The following CPD variants were observed in gnomAD, a reference collection of about 807,000 sequenced individuals.
CPD encodes metallocarboxypeptidase D.
CPD carries 69 observed loss-of-function variants against 138.3 expected under a neutral mutation model. The ratio of observed to expected loss-of-function variants is 0.50; its 90% CI spans 0.41 to 0.61. The LOEUF (loss-of-function observed/expected upper bound fraction) is 0.61. Ranked by LOEUF, CPD falls within the 20% of genes least tolerant of loss-of-function variation. The probability of loss-of-function intolerance (pLI) is 0.00; values close to 1 mark genes in which losing one functional copy is unlikely to be tolerated. For missense variants in CPD, 1,432 were observed against 1,733.3 expected (o/e 0.83, Z 3.09); for synonymous variants, 651 against 642.1 (o/e 1.01, Z -0.21).
intron 2 of CPD, among the ~76,000 whole-genome samples, chr17:30,415,937 C>T (rs1912094291): frequency 6.6e-6 from 1 of 152,144 alleles, no homozygotes; most frequent in Non-Finnish European, 1.5e-5. Context: ...AGTAGTCAAA[C>T]TCTTAGAAAC....
At position 30,408,103 on chromosome 17, in the gene CPD, G is replaced by T. The variant is rs1401641540; in HGVS notation, c.995-12738G>T. Among the ~76,000 whole-genome samples the T allele has an allele frequency of 2.0e-5, 3 of 152,092 alleles. No individual in the cohort carries two copies. In the East Asian group the frequency reaches 5.8e-4, roughly 29 times the overall value. On this transcript the variant is annotated intron_variant, in intron 2 of 20. Coordinates refer to ENST00000225719, the MANE Select transcript of CPD (RefSeq NM_001304.5). ...TTTGCCCATTTCTTGTTTTTGTCAG[G>T]TTTGTCAAATATCAGATGGTTGTAG... is the stretch of plus-strand genomic sequence containing the variant.
chr17:30,379,577 CGGCGGCCCG>C lies in CPD; in HGVS notation c.598_606del (p.Gly200_Pro202del). The C allele has an allele frequency of 6.6e-7, 1 of 1,511,010 alleles. No homozygotes were observed. The highest frequency in any genetic ancestry group is 1.2e-5 in the South Asian group (1 of 80,434). 93.6% of individuals were successfully genotyped at this position (1,511,010 alleles called of 1,614,324 possible). On this transcript the variant is annotated inframe_deletion, in exon 1 of 21. Transcript: ENST00000225719. This position sits in a 1 kb window ranked among gnomAD's most constrained non-coding sequence, Gnocchi z 7.0. ...GCGAGGGCGACTGTGGCTTCGGCGACGGCGGCCCGTCCGGGGCCAGCGGCCGCGACAATA... is the reference window on the plus strand; with the variant it reads ...GCGAGGGCGACTGTGGCTTCGGCGACTCCGGGGCCAGCGGCCGCGACAATA...
Position 30,384,977 on chromosome 17 carries a change from G to T in CPD, c.747-12G>T. 1 of 1,607,464 alleles carries T rather than the reference G, an allele frequency of 6.2e-7. No individual in the cohort carries two copies. The highest frequency in any genetic ancestry group is 8.5e-7 in the Non-Finnish European group (1 of 1,175,886). On this transcript the variant is annotated splice_polypyrimidine_tract_variant and intron_variant, in intron 1 of 20. Coordinates refer to ENST00000225719, the MANE Select transcript of CPD (RefSeq NM_001304.5). ...TTTTTTAGTGATACGTGATTTGGTTGTATTTTCAAAGGTTTGTGCTTTCTG... is the reference window on the plus strand; with the variant it reads ...TTTTTTAGTGATACGTGATTTGGTTTTATTTTCAAAGGTTTGTGCTTTCTG...
intron 2 of CPD, among the ~76,000 whole-genome samples, chr17:30,418,577 T>C (rs1912181167): frequency 6.6e-6 from 1 of 152,162 alleles, no homozygotes; most frequent in African/African-American, 2.4e-5. Context: ...GTATACATAA[T>C]ATAAAATTTA....
chr17:30,436,886 T>C (rs1912718562), intron 8 of CPD, among the ~76,000 whole-genome samples: 1 of 152,154 alleles, frequency 6.6e-6, no homozygotes, highest in Admixed American at 6.6e-5. Context: ...AACTGATGAA[T>C]GGGTTAACAA....
rs964295550 is a variant in CPD, at chr17:30,464,959, A to G, written c.*145A>G. On this transcript the variant is annotated 3_prime_UTR_variant, in exon 21 of 21. Coordinates refer to ENST00000225719, the MANE Select transcript of CPD (RefSeq NM_001304.5). ...ATTGCTAAATTTGTATTCTCTGTGA[A>G]TTTCACTGGCAGTTTTGAACTTCCC... 7.5e-6 allele frequency: 5 copies of G among 669,798 alleles called. No homozygotes were observed. The Admixed American group carries it at 1.4e-4, about 19-fold the overall frequency. The allele number at this position is 669,798 out of a possible 1,614,324, so 41.5% of individuals were successfully genotyped here.
At chr17:30,388,871 G>GGGAGGTCACCCCACGTGT (rs888701081) in intron 2 of CPD, among the ~76,000 whole-genome samples, 2 of 152,184 alleles carry the variant, frequency 1.3e-5, no homozygotes, top group African/African-American at 4.8e-5. Context: ...GTGTCAGGCT[G>GGGAGGTCACCCCACGTGT]GGAGGTCACC....
At chr17:30,443,120 G>A (rs1287940706) in intron 10 of CPD, among the ~76,000 whole-genome samples, 1 of 151,798 alleles carries the variant, frequency 6.6e-6, no homozygotes, top group African/African-American at 2.4e-5. Flanking sequence ...TTAACATTTT[G>A]TTATATTTGC....
intron 12 of CPD, among the ~76,000 whole-genome samples, chr17:30,446,646 G>A (rs1202498344): frequency 1.3e-5 from 2 of 152,180 alleles, no homozygotes; most frequent in African/African-American, 4.8e-5. Flanking sequence ...ACGTGTGCAT[G>A]TGTCTTTATA....
Position 30,469,789 on chromosome 17 carries a change from T to C in CPD, c.*4975T>C, listed in dbSNP as rs1263730104. The C allele has an allele frequency of 6.6e-6, 1 of 152,230 alleles. No individual in the cohort carries two copies. The highest frequency in any genetic ancestry group is 1.5e-5 in the Non-Finnish European group (1 of 68,026). The allele number at this position is 152,230 out of a possible 1,614,324, so 9.4% of individuals were successfully genotyped here. Reference sequence around the variant, plus strand: ...AGTGAAAACAACGTTACTTAACTGCTACAGGAAGTGTGAATAGTGATAACA... The same window carrying C: ...AGTGAAAACAACGTTACTTAACTGCCACAGGAAGTGTGAATAGTGATAACA... On this transcript the variant is annotated 3_prime_UTR_variant, in exon 21 of 21. Transcript: ENST00000225719.
chr17:30,417,683 G>A (rs1912148149), intron 2 of CPD, among the ~76,000 whole-genome samples: 1 of 151,876 alleles, frequency 6.6e-6, no homozygotes, highest in South Asian at 2.1e-4. Context: ...ATCATTTTAG[G>A]CCTAATTACT....
intron 2 of CPD, among the ~76,000 whole-genome samples, chr17:30,416,831 G>A (rs774499340): frequency 3.3e-5 from 5 of 152,068 alleles, no homozygotes; most frequent in African/African-American, 9.7e-5. Context: ...GGCCGGGCGC[G>A]GTGGCTCACG....
chr17:30,389,247 A>G (rs944081484), intron 2 of CPD, among the ~76,000 whole-genome samples: 18 of 152,184 alleles, frequency 1.2e-4, no homozygotes, highest in African/African-American at 4.3e-4. Context: ...ATCACTTTCT[A>G]GAATTTTCTG....
chr17:30,443,779 T>C (rs943742851), intron 10 of CPD, 23 bp from the exon 11 acceptor site: 2 of 1,572,990 alleles, frequency 1.3e-6, no homozygotes, highest in Admixed American at 3.6e-5. Flanking sequence ...TATTGAAATC[T>C]GGTGTCCTTG....
At chr17:30,416,141 T>C (rs1647372414) in intron 2 of CPD, among the ~76,000 whole-genome samples, 1 of 152,034 alleles carries the variant, frequency 6.6e-6, no homozygotes, top group South Asian at 2.1e-4. Flanking sequence ...GAGACCAGCC[T>C]CAACATGGGG....
Position 30,378,928 on chromosome 17 carries a change from C to T in CPD, c.-53C>T, listed in dbSNP as rs919339177. On this transcript the variant is annotated 5_prime_UTR_variant, in exon 1 of 21. Transcript: ENST00000225719. ...GAGGGGATCCGGCGGGCCCCCGCCG[C>T]CCGGAGCGCTGAGCCGCGGGAGCGG... 3.6e-6 allele frequency: 5 copies of T among 1,404,488 alleles called. No homozygotes were observed. Among genetic ancestry groups the T allele is most frequent in the Admixed American group, 6.9e-5 (2 of 29,128 alleles). 87.0% of individuals were successfully genotyped at this position (1,404,488 alleles called of 1,614,324 possible).
chr17:30,393,562 C>T (rs1911413583), intron 2 of CPD, among the ~76,000 whole-genome samples: 1 of 152,084 alleles, frequency 6.6e-6, no homozygotes, highest in Non-Finnish European at 1.5e-5. Context: ...TAAAATAGGC[C>T]TCTTTCAGAA....
chr17:30,379,196 G>A lies in CPD; in HGVS notation c.216G>A (p.Ala72=), dbSNP rs1224865889. ...TGGAGTCGGCGCTGAGGGAGGCGGC[G>A]GCCGCGGGCCTCCCCGGCCTGGCCC... ...EELESALREA[A]AAGLPGLARL... is the part of the protein sequence containing the mutation. The change falls in exon 1 of 21, where the codon GCG becomes GCA. Residue 72 remains alanine (A), a synonymous_variant. Coordinates refer to ENST00000225719, the MANE Select transcript of CPD (RefSeq NM_001304.5). This position sits in a 1 kb window ranked among gnomAD's most constrained non-coding sequence, Gnocchi z 7.0. 2 of 1,530,608 alleles carry A rather than the reference G, an allele frequency of 1.3e-6. No homozygotes were observed. Among genetic ancestry groups the A allele is most frequent in the South Asian group, 1.2e-5 (1 of 83,774 alleles). 94.8% of individuals were successfully genotyped at this position (1,530,608 alleles called of 1,614,324 possible).
chr17:30,446,521 T>C (rs549936361), intron 12 of CPD, among the ~76,000 whole-genome samples: 11 of 152,214 alleles, frequency 7.2e-5, no homozygotes, highest in Non-Finnish European at 1.3e-4. Flanking sequence ...TTTTTTATGG[T>C]TGCATAGTAT....
Sources: allele counts gnomAD v4.1 joint callset (sites outside exome capture counted in the v4.1 genomes callset), GRCh38; gene constraint gnomAD v4.1.1; non-coding constraint Gnocchi (gnomAD v3.1); transcripts MANE v1.5; gene names NCBI Gene and HGNC (gene_info 2026-07-23, HGNC 2026-07-21).